CAMSAP3: variants seen among roughly 807,000 people sequenced by gnomAD.
CAMSAP3 encodes the protein calmodulin-regulated spectrin-associated protein 3.
CAMSAP3 carries 34 observed loss-of-function variants against 112.5 expected under a neutral mutation model. That is an observed-to-expected ratio of 0.30 (90% CI 0.23 to 0.40). The LOEUF is 0.40. Among genes scored for constraint, CAMSAP3 ranks in the 10% least tolerant of loss-of-function variants. The pLI, the probability that CAMSAP3 is intolerant of heterozygous loss-of-function variation, is 1.00. For synonymous variants in CAMSAP3, 868 were observed against 799.8 expected (o/e 1.09, Z -1.44); for missense variants, 1,602 against 1,770.3 (o/e 0.90, Z 1.71).
chr19:7,609,981 C>T (rs900921168), intron 5 of CAMSAP3, among the ~76,000 whole-genome samples: 1 of 152,108 alleles, frequency 6.6e-6, no homozygotes, highest in Non-Finnish European at 1.5e-5. Flanking sequence ...TGACAGGCCA[C>T]GCCCCGGGGG....
chr19:7,607,868 G>A lies in CAMSAP3; in HGVS notation c.622-258G>A. 8.2e-7 allele frequency: 1 copy of A among 1,224,442 alleles called. No individual in the cohort carries two copies. The allele number at this position is 1,224,442 out of a possible 1,614,324, so 75.8% of individuals were successfully genotyped here. On this transcript the variant is annotated intron_variant, in intron 4 of 16. Coordinates refer to ENST00000160298, the MANE Select transcript of CAMSAP3 (RefSeq NM_020902.2). This position sits in a 1 kb window ranked among gnomAD's most constrained non-coding sequence, Gnocchi z 4.9. ...AGGAGTCGGGGAGCAAACCCCCCAT[G>A]GTAATGTATCCCCCGCCCCGGGGTC... is the stretch of plus-strand genomic sequence containing the variant.
intron 4 of CAMSAP3, 62 bp downstream of exon 4, chr19:7,606,633 T>A: frequency 6.6e-7 from 1 of 1,525,762 alleles, no homozygotes; most frequent in Non-Finnish European, 8.8e-7. Context: ...AGGGCAGGGC[T>A]GTGCTTCCTG....
Position 7,616,506 on chromosome 19 carries a change from G to A in CAMSAP3, c.3113-17G>A, listed in dbSNP as rs767505949. The A allele has an allele frequency of 1.7e-5, 27 of 1,586,892 alleles. No individual in the cohort carries two copies. The East Asian group carries it at 6.0e-4, about 36-fold the overall frequency. On this transcript the variant is annotated splice_polypyrimidine_tract_variant and intron_variant, in intron 13 of 16. Coordinates refer to ENST00000160298, the MANE Select transcript of CAMSAP3 (RefSeq NM_020902.2). ...AGGGGCTTCTGGTGGGCACTGACCT[G>A]CAATCTCTGTCCCCAGGCTCTCGGC...
chr19:7,605,177 T>TGTGTG (rs1555758282), intron 1 of CAMSAP3, 49 bp from the exon 2 acceptor site: 1,135 of 1,295,162 alleles, frequency 8.8e-4, no homozygotes, highest in Non-Finnish European at 9.9e-4. Context: ...TGTGTGTGTG[T>TGTGTG]TGTATCTGGT....
At chr19:7,616,289 A>G (rs1599364780) in intron 13 of CAMSAP3, 1 of 451,774 alleles carries the variant, frequency 2.2e-6, no homozygotes, top group South Asian at 2.6e-5. Flanking sequence ...AACCTTTGGG[A>G]GTATGTTTGG....
In CAMSAP3 at chr19:7,607,789, C is replaced by A; in HGVS notation, c.622-337C>A. On this transcript the variant is annotated intron_variant, in intron 4 of 16. Coordinates refer to ENST00000160298, the MANE Select transcript of CAMSAP3 (RefSeq NM_020902.2). The surrounding 1 kb of genome is among the most constrained non-coding windows in gnomAD (Gnocchi z 4.9). ...GGGGCCCAGCAGGTCAGCACCCCTC[C>A]CCCTTGCTGATGGCTGCTCCTCTCC... The A allele has an allele frequency of 1.1e-6, 1 of 929,414 alleles. No homozygotes were observed. Among genetic ancestry groups the A allele is most frequent in the Non-Finnish European group, 1.6e-6 (1 of 619,444 alleles). The allele number at this position is 929,414 out of a possible 1,614,324, so 57.6% of individuals were successfully genotyped here.
intron 11 of CAMSAP3, among the ~76,000 whole-genome samples, chr19:7,613,886 C>T (rs2030638847): frequency 6.6e-6 from 1 of 152,120 alleles, no homozygotes; most frequent in Non-Finnish European, 1.5e-5. Context: ...GCCTCTGCTG[C>T]CTGCCTCCAT....
At chr19:7,596,775 C>A (rs1438519267) in intron 1 of CAMSAP3, among the ~76,000 whole-genome samples, 1 of 152,136 alleles carries the variant, frequency 6.6e-6, no homozygotes, top group Non-Finnish European at 1.5e-5. Flanking sequence ...CGACTTATGG[C>A]CCCATTTTAC....
rs749441402 is a variant in CAMSAP3, at chr19:7,615,303, C to T, written c.2791C>T (p.Arg931Trp). The change falls in exon 12 of 17, where the codon CGG becomes TGG. Residue 931 changes from arginine to tryptophan, a missense_variant. Transcript: ENST00000160298. This position sits in a 1 kb window ranked among gnomAD's most constrained non-coding sequence, Gnocchi z 6.5. Reference sequence around the variant, plus strand: ...GTGGCAGGAGGTGGAGAAGGAACAGCGGAGGGAGGAGGCCGCGAGGTGAGG... The same window carrying T: ...GTGGCAGGAGGTGGAGAAGGAACAGTGGAGGGAGGAGGCCGCGAGGTGAGG... ...KQWQEVEKEQ[R>W]REEAARLAQE... is the part of the protein sequence containing the mutation. 4 of 1,546,984 alleles carry T rather than the reference C, an allele frequency of 2.6e-6. No homozygotes were observed. In the South Asian group the frequency reaches 3.6e-5, roughly 14 times the overall value.
intron 5 of CAMSAP3, among the ~76,000 whole-genome samples, chr19:7,609,317 C>CA (rs3032314): frequency 0.29 from 28,456 of 97,768 alleles, 3,330 homozygotes; most frequent in Middle Eastern, 0.33. Context: ...GACTCCATCT[C>CA]AAAAAAAAAA....
intron 1 of CAMSAP3, among the ~76,000 whole-genome samples, chr19:7,599,577 T>TCCGC (rs2029865567): frequency 1.1e-5 from 1 of 92,486 alleles, no homozygotes; most frequent in Non-Finnish European, 2.1e-5. Context: ...CATCCATCCA[T>TCCGC]CCATCCATCC....
rs181292625 is a variant in CAMSAP3 at position 7,598,967 on chromosome 19, A to G, written c.148+2817A>G. 3.4e-4 allele frequency among the ~76,000 whole-genome samples: 52 copies of G among 152,152 alleles called. 1 individual carries two copies. The highest frequency in any genetic ancestry group is 1.2e-3 in the African/African-American group (50 of 41,496). ...TCTCATCTGTACAAGGGGTATAATA[A>G]TAAGTGTCGTAAGGATTAAATGACT... On this transcript the variant is annotated intron_variant, in intron 1 of 16. Coordinates refer to ENST00000160298, the MANE Select transcript of CAMSAP3 (RefSeq NM_020902.2).
At chr19:7,602,906 C>A (rs1281068740) in intron 1 of CAMSAP3, among the ~76,000 whole-genome samples, 2 of 144,104 alleles carry the variant, frequency 1.4e-5, no homozygotes, top group African/African-American at 5.2e-5. Context: ...AGGGCAGCAT[C>A]GAGCTCAGGG....
Position 7,609,251 on chromosome 19 carries a change from G to A in CAMSAP3, c.760+987G>A, listed in dbSNP as rs531077579. Among the ~76,000 whole-genome samples the A allele has an allele frequency of 2.7e-5, 4 of 150,836 alleles. No homozygotes were observed. In the South Asian group the frequency reaches 6.3e-4, roughly 24 times the overall value. On this transcript the variant is annotated intron_variant, in intron 5 of 16. Transcript: ENST00000160298. ...GAGAATCGCTTGAACCCAGGAAGTG[G>A]AGGTTGCAGTGAGTCAAGACCATGC...
Position 7,610,942 on chromosome 19 carries a change from C to G in CAMSAP3, c.1049+11C>G. 6.3e-7 allele frequency: 1 copy of G among 1,579,586 alleles called. No homozygotes were observed. Among genetic ancestry groups the G allele is most frequent in the Non-Finnish European group, 8.6e-7 (1 of 1,161,022 alleles). On this transcript the variant is annotated intron_variant, in intron 8 of 16. Coordinates refer to ENST00000160298, the MANE Select transcript of CAMSAP3 (RefSeq NM_020902.2). This position sits in a 1 kb window ranked among gnomAD's most constrained non-coding sequence, Gnocchi z 4.9. ...CAACAGCGGCAGTAGGTACGCTCCC[C>G]ACACTGGGCGAGTCTCTGGCATTGT... is the stretch of plus-strand genomic sequence containing the variant.
rs1227974702 is a variant in CAMSAP3, at chr19:7,613,098, G to T, written c.2605G>T (p.Asp869Tyr). Residue 869 changes from aspartate (D) to tyrosine (Y), a missense_variant, in exon 11 of 17, where the codon GAT (aspartate) becomes TAT (tyrosine). Asp to Tyr is a radical substitution (Grantham distance 160, BLOSUM62 -3). Transcript: ENST00000160298. ...EGDGSPAGAE[D>Y]SLEEEASSEG... ...AGACGGGAGCCCCGCTGGTGCTGAG[G>T]ATTCCTTGGAGGAGGAGGCGTCTTC... The T allele has an allele frequency of 3.9e-6, 6 of 1,546,732 alleles. No homozygotes were observed. The highest frequency in any genetic ancestry group is 5.2e-6 in the Non-Finnish European group (6 of 1,146,360).
intron 1 of CAMSAP3, among the ~76,000 whole-genome samples, chr19:7,597,053 G>T (rs2024457505): frequency 6.6e-6 from 1 of 152,194 alleles, no homozygotes; most frequent in African/African-American, 2.4e-5. Context: ...TCAGGGCCTG[G>T]CCAGAGAAGA....
In CAMSAP3 at chr19:7,610,760, T is replaced by A; in HGVS notation, c.961T>A (p.Phe321Ile). 6.2e-7 allele frequency: 1 copy of A among 1,613,980 alleles called. No individual in the cohort carries two copies. Residue 321 changes from phenylalanine (F) to isoleucine (I), a missense_variant, in exon 7 of 17, where the codon TTT becomes ATT. Around this residue, in one of 6 missense-constraint regions of CAMSAP3, gnomAD observed 1,100 missense variants for 1,135.7 expected, o/e 0.97. Transcript: ENST00000160298. This position sits in a 1 kb window ranked among gnomAD's most constrained non-coding sequence, Gnocchi z 4.9. ...FMCFEVLKPD[F>I]VQVKDLPDGH... ...GTGTTTTGAGGTGCTCAAGCCCGACTTTGTGCAAGTGAAGGACTTGCCCGA... is the reference window on the plus strand; with the variant it reads ...GTGTTTTGAGGTGCTCAAGCCCGACATTGTGCAAGTGAAGGACTTGCCCGA...
At chr19:7,601,616 G>T (rs1253173279) in intron 1 of CAMSAP3, among the ~76,000 whole-genome samples, 1 of 152,010 alleles carries the variant, frequency 6.6e-6, no homozygotes, top group Non-Finnish European at 1.5e-5. Context: ...GGTAGCACAT[G>T]CCTGTAGTCC....
Sources: allele counts gnomAD v4.1 joint callset (sites outside exome capture counted in the v4.1 genomes callset), GRCh38; gene constraint gnomAD v4.1.1; regional missense constraint gnomAD v4.1.1; non-coding constraint Gnocchi (gnomAD v3.1); transcripts MANE v1.5; gene names NCBI Gene and HGNC (gene_info 2026-07-23, HGNC 2026-07-21).